The following MALRD1 variants were observed in gnomAD, a reference collection of about 807,000 sequenced individuals.
MALRD1 encodes MAM and LDL-receptor class A domain-containing protein 1.
MALRD1 carries 247 observed loss-of-function variants against 242.1 expected under a neutral mutation model. The observed-to-expected ratio is 1.02, with a 90% confidence interval of 0.92 to 1.13. MALRD1 has a LOEUF of 1.13. MALRD1 is among the 50% of genes most tolerant of loss of function. MALRD1 has a pLI of 0.00. For synonymous variants in MALRD1, 995 were observed against 866.6 expected, an observed-to-expected ratio of 1.15 and a Z score of -2.60; for missense variants, 2,989 against 2,533.1, an observed-to-expected ratio of 1.18 and a Z score of -3.86.
intron 29 of MALRD1, among the ~76,000 whole-genome samples, chr10:19,453,332 AG>A (rs1835429501): frequency 6.6e-6 from 1 of 152,138 alleles, no homozygotes; most frequent in South Asian, 2.1e-4. Context: ...AGAGACAGAG[AG>A]GAGGTGAGTG....
intron 12 of MALRD1, among the ~76,000 whole-genome samples, chr10:19,157,514 TG>T (rs1170776599): frequency 2.0e-5 from 3 of 152,256 alleles, no homozygotes; most frequent in Non-Finnish European, 4.4e-5. Flanking sequence ...CCCAAAGTGC[TG>T]GGATTACAGG....
intron 28 of MALRD1, among the ~76,000 whole-genome samples, chr10:19,392,941 A>T (rs1462509755): frequency 6.6e-6 from 1 of 152,166 alleles, no homozygotes; most frequent in Non-Finnish European, 1.5e-5. Flanking sequence ...AGCCTGTGGG[A>T]AGCAATGAGA....
chr10:19,200,783 G>A (rs530092027), intron 14 of MALRD1, among the ~76,000 whole-genome samples: 49 of 151,672 alleles, frequency 3.2e-4, no homozygotes, highest in African/African-American at 1.2e-3. Flanking sequence ...TTCTCCAGGG[G>A]CAACTGCTGT....
At chr10:19,327,755 C>T in intron 23 of MALRD1, 82 bp downstream of exon 23, 1 of 1,110,170 alleles carries the variant, frequency 9.0e-7, no homozygotes, top group Non-Finnish European at 1.3e-6. Flanking sequence ...TACTCACAGT[C>T]TTCTTGCCCC....
At chr10:19,325,601 T>C (rs904440889) in intron 22 of MALRD1, among the ~76,000 whole-genome samples, 3 of 152,110 alleles carry the variant, frequency 2.0e-5, no homozygotes, top group African/African-American at 7.2e-5. Flanking sequence ...TTTTGGAGCA[T>C]CTCTGTTTAT....
At chr10:19,567,277 C>G (rs888584059) in intron 32 of MALRD1, among the ~76,000 whole-genome samples, 1 of 152,028 alleles carries the variant, frequency 6.6e-6, no homozygotes, top group African/African-American at 2.4e-5. Context: ...TCCAGTTTGA[C>G]GTACAGAAGT....
intron 36 of MALRD1, among the ~76,000 whole-genome samples, chr10:19,621,541 T>C (rs916198799): frequency 6.6e-6 from 1 of 151,204 alleles, no homozygotes; most frequent in Non-Finnish European, 1.5e-5. Flanking sequence ...AGTAAGGAAA[T>C]GGAAATGAGA....
At chr10:19,585,797 C>G (rs1267360716) in intron 33 of MALRD1, among the ~76,000 whole-genome samples, 1 of 152,096 alleles carries the variant, frequency 6.6e-6, no homozygotes, top group Non-Finnish European at 1.5e-5. Context: ...GGGAAGTTCT[C>G]CTGGATAATA....
rs1390189970 is a variant in MALRD1, at chr10:19,258,395, C to T, written c.3079+624C>T. 2.0e-5 allele frequency among the ~76,000 whole-genome samples: 3 copies of T among 152,044 alleles called. No homozygotes were observed. The East Asian group carries it at 5.8e-4, about 29-fold the overall frequency. On this transcript the variant is annotated intron_variant, in intron 19 of 39. Transcript: ENST00000454679. ...CTTGAATAGTGTTATGAGGAGAAAC[C>T]CATTCTGAGAAGTGCATAGTGATCT...
chr10:19,266,022 A>C (rs4593896), intron 19 of MALRD1, among the ~76,000 whole-genome samples: 67,402 of 151,682 alleles, frequency 0.44, 15,642 homozygotes, highest in Admixed American at 0.59. Flanking sequence ...TTATGTAAGT[A>C]TAGCTTCCTG....
intron 35 of MALRD1, among the ~76,000 whole-genome samples, chr10:19,609,085 T>A (rs1054255501): frequency 6.6e-6 from 1 of 152,092 alleles, no homozygotes; most frequent in Admixed American, 6.6e-5. Context: ...TAATCTGTTA[T>A]CTTCTTTGAT....
chr10:19,559,161 T>C (rs3973663), intron 32 of MALRD1, among the ~76,000 whole-genome samples: 142,677 of 151,752 alleles, frequency 0.94, 67,119 homozygotes, highest in East Asian at 1. Flanking sequence ...CCAGCCTGGG[T>C]GACAGAACAA....
rs148446320 is a variant in MALRD1 at position 19,471,761 on chromosome 10, G to A, written c.5030-19756G>A. ...GAAGAAACACTACTGATTTTTGCAA[G>A]TTGATTTTTGCATCCTGCAACTTTA... On this transcript the variant is annotated intron_variant, in intron 29 of 39. Coordinates refer to ENST00000454679, the MANE Select transcript of MALRD1 (RefSeq NM_001142308.3). Among the ~76,000 whole-genome samples, 60 of 151,280 alleles carry A rather than the reference G, an allele frequency of 4.0e-4. 4 individuals carry two copies. Among genetic ancestry groups the A allele is most frequent in the Admixed American group, 3.9e-3 (59 of 15,168 alleles).
intron 1 of MALRD1, among the ~76,000 whole-genome samples, chr10:19,056,297 C>T (rs2039813762): frequency 6.7e-6 from 1 of 150,318 alleles, no homozygotes; most frequent in African/African-American, 2.4e-5. Context: ...GGCATTTTGA[C>T]AATATTAATT....
chr10:19,176,746 C>A (rs1222267312), intron 14 of MALRD1, among the ~76,000 whole-genome samples: 1 of 151,960 alleles, frequency 6.6e-6, no homozygotes, highest in Admixed American at 6.6e-5. Flanking sequence ...GCATAATAGA[C>A]CATTCTAAGC....
chr10:19,235,392 G>A lies in MALRD1; in HGVS notation c.2992-22292G>A, dbSNP rs1023226757. ...GTAATTCTAAGCATTTTTTTTTCGT[G>A]TATTTGTTAGCCATTTGTATGTGTT... is the stretch of plus-strand genomic sequence containing the variant. On this transcript the variant is annotated intron_variant, in intron 18 of 39. Transcript: ENST00000454679. Among the ~76,000 whole-genome samples, 4 of 151,128 alleles carry A rather than the reference G, an allele frequency of 2.6e-5. No individual in the cohort carries two copies. In the South Asian group the frequency reaches 8.4e-4, roughly 32 times the overall value.
intron 32 of MALRD1, among the ~76,000 whole-genome samples, chr10:19,553,206 A>T (rs1033646073): frequency 3.3e-4 from 51 of 152,260 alleles, no homozygotes; most frequent in African/African-American, 1.2e-3. Flanking sequence ...TAACTAAAAA[A>T]ATAAACAATT....
chr10:19,403,793 G>C (rs1846969581), intron 28 of MALRD1, among the ~76,000 whole-genome samples: 1 of 152,040 alleles, frequency 6.6e-6, no homozygotes, highest in Non-Finnish European at 1.5e-5. Context: ...AGAATGGTGA[G>C]AATATTCTTT....
intron 1 of MALRD1, among the ~76,000 whole-genome samples, chr10:19,063,239 G>A (rs1834875685): frequency 6.6e-6 from 1 of 152,122 alleles, no homozygotes; most frequent in African/African-American, 2.4e-5. Context: ...GTGCCTTATA[G>A]AACCTGTAAG....
Sources: gnomAD v4.1 joint callset for allele counts (sites outside exome capture counted in the v4.1 genomes callset) on GRCh38, gnomAD v4.1.1 for gene constraint, MANE v1.5 for transcripts, NCBI Gene and HGNC (gene_info 2026-07-23, HGNC 2026-07-21) for gene names.